The following RBMS3 variants were observed in gnomAD, a reference collection of about 807,000 sequenced individuals.
RBMS3 encodes RNA binding motif single stranded interacting protein 3, also known as RNA-binding motif, single-stranded-interacting protein 3.
A neutral mutation model predicts 66.8 loss-of-function variants in RBMS3; 27 were observed. That is an observed-to-expected ratio of 0.40 (90% CI 0.30 to 0.56). The LOEUF (loss-of-function observed/expected upper bound fraction) is 0.56. Ranked by LOEUF, RBMS3 falls within the 20% of genes least tolerant of loss-of-function variation. The pLI, the probability that RBMS3 is intolerant of heterozygous loss-of-function variation, is 0.40. For missense variants in RBMS3, 513 were observed against 549.5 expected (o/e 0.93, Z 0.66); for synonymous variants, 188 against 183.0 (o/e 1.03, Z -0.22).
intron 1 of RBMS3, among the ~76,000 whole-genome samples, chr3:29,359,846 A>G (rs2037458774): frequency 6.6e-6 from 1 of 152,178 alleles, no homozygotes. Flanking sequence ...AGGTGTTTAT[A>G]GTATTCTCTG....
intron 1 of RBMS3, among the ~76,000 whole-genome samples, chr3:29,345,664 T>C (rs763201807): frequency 6.6e-6 from 1 of 152,190 alleles, no homozygotes; most frequent in Non-Finnish European, 1.5e-5. Flanking sequence ...CTAATGAAAC[T>C]TACTAGAGAC....
intron 2 of RBMS3, among the ~76,000 whole-genome samples, chr3:29,482,794 G>A (rs190081232): frequency 2.0e-3 from 259 of 131,600 alleles, no homozygotes; most frequent in Non-Finnish European, 3.3e-3. Flanking sequence ...TGCAATCTCT[G>A]CCTCCCAGGT....
chr3:29,701,581 A>G (rs1576559874), intron 4 of RBMS3, among the ~76,000 whole-genome samples: 1 of 149,746 alleles, frequency 6.7e-6, no homozygotes, highest in East Asian at 2.0e-4. Context: ...GTGGAGGGAG[A>G]GGCGCAGGTG....
At chr3:29,970,401 A>G (rs1697148993) in intron 12 of RBMS3, among the ~76,000 whole-genome samples, 1 of 152,124 alleles carries the variant, frequency 6.6e-6, no homozygotes, top group African/African-American at 2.4e-5. Flanking sequence ...CTACCACCCA[A>G]TAATGAGCAC....
chr3:29,562,434 A>T (rs1019898880), intron 3 of RBMS3, among the ~76,000 whole-genome samples: 1 of 152,130 alleles, frequency 6.6e-6, no homozygotes, highest in Non-Finnish European at 1.5e-5. Context: ...AATAGTGCTG[A>T]CCAAAGAGAT....
chr3:29,706,924 A>G (rs1398914306), intron 4 of RBMS3, among the ~76,000 whole-genome samples: 1 of 152,196 alleles, frequency 6.6e-6, no homozygotes, highest in Non-Finnish European at 1.5e-5. Context: ...TTTTTAAAAG[A>G]TGGTTTGCTA....
At chr3:29,482,704 T>TC (rs1553609366) in intron 2 of RBMS3, among the ~76,000 whole-genome samples, 5 of 103,508 alleles carry the variant, frequency 4.8e-5, no homozygotes, top group East Asian at 2.6e-4. Context: ...TTTCTTTCTT[T>TC]TTTTTTTTTT....
At chr3:29,504,914 C>G (rs1190385962) in intron 3 of RBMS3, among the ~76,000 whole-genome samples, 2 of 152,040 alleles carry the variant, frequency 1.3e-5, no homozygotes, top group African/African-American at 2.4e-5. Context: ...TATTCAGGTC[C>G]TTTGCCTATT....
At chr3:29,743,391 A>G (rs945072938) in intron 5 of RBMS3, among the ~76,000 whole-genome samples, 1 of 152,182 alleles carries the variant, frequency 6.6e-6, no homozygotes. Context: ...CAAGTGAGAG[A>G]AATTATTGTA....
intron 10 of RBMS3, among the ~76,000 whole-genome samples, chr3:29,916,475 C>CT (rs925459033): frequency 1.3e-5 from 2 of 151,790 alleles, no homozygotes; most frequent in Non-Finnish European, 2.9e-5. Context: ...CCTTGTATTG[C>CT]TTTTTTTAGA....
chr3:29,957,334 T>C lies in RBMS3; in HGVS notation c.1098+13080T>C, dbSNP rs146526917. Among the ~76,000 whole-genome samples, 8 of 152,248 alleles carry C rather than the reference T, an allele frequency of 5.3e-5. No homozygotes were observed. The East Asian group carries it at 1.5e-3, about 29-fold the overall frequency. Reference sequence around the variant, plus strand: ...ATGGTAGGTGTTTATTAAATATTCATTGATTGAATAAATGATACCTATATG... The same window carrying C: ...ATGGTAGGTGTTTATTAAATATTCACTGATTGAATAAATGATACCTATATG... On this transcript the variant is annotated intron_variant, in intron 12 of 14. Transcript: ENST00000383767.
chr3:29,800,079 A>G (rs1468953945), intron 6 of RBMS3, among the ~76,000 whole-genome samples: 1 of 152,220 alleles, frequency 6.6e-6, no homozygotes, highest in African/African-American at 2.4e-5. Context: ...AACACAGAGA[A>G]TACTAATCAG....
At chr3:29,575,633 T>C (rs1267344157) in intron 3 of RBMS3, among the ~76,000 whole-genome samples, 1 of 152,074 alleles carries the variant, frequency 6.6e-6, no homozygotes, top group Non-Finnish European at 1.5e-5. Context: ...GGCAAATAAC[T>C]CTTATATTTG....
intron 1 of RBMS3, among the ~76,000 whole-genome samples, chr3:29,351,947 G>C (rs1009890048): frequency 6.6e-6 from 1 of 151,810 alleles, no homozygotes; most frequent in African/African-American, 2.4e-5. Flanking sequence ...CCAATCAACT[G>C]GACCTAGAGT....
chr3:29,734,395 G>T (rs1576648045), intron 4 of RBMS3, among the ~76,000 whole-genome samples: 1 of 152,130 alleles, frequency 6.6e-6, no homozygotes, highest in Non-Finnish European at 1.5e-5. Flanking sequence ...CTAGAAGAAA[G>T]GAGCTTGAAT....
intron 4 of RBMS3, among the ~76,000 whole-genome samples, chr3:29,639,659 G>A (rs949531961): frequency 3.5e-4 from 53 of 150,996 alleles, no homozygotes; most frequent in Non-Finnish European, 3.0e-5. Context: ...AATAAAAAGT[G>A]TCACTGTAAA....
intron 3 of RBMS3, among the ~76,000 whole-genome samples, chr3:29,559,842 T>C (rs980711585): frequency 1.3e-5 from 2 of 152,182 alleles, no homozygotes; most frequent in African/African-American, 4.8e-5. Flanking sequence ...AATAAAGAGC[T>C]TTCTTTCAAA....
intron 12 of RBMS3, among the ~76,000 whole-genome samples, chr3:29,956,498 AT>A (rs1166038646): frequency 6.6e-6 from 1 of 151,976 alleles, no homozygotes; most frequent in African/African-American, 2.4e-5. Context: ...TAAAGCTCAA[AT>A]TTTTGATCTA....
At chr3:29,317,844 G>A (rs1284470879) in intron 1 of RBMS3, among the ~76,000 whole-genome samples, 1 of 151,698 alleles carries the variant, frequency 6.6e-6, no homozygotes, top group Non-Finnish European at 1.5e-5. Flanking sequence ...CCCACTCATG[G>A]AAAGAACAGC....
Sources: gnomAD v4.1 joint callset for allele counts (sites outside exome capture counted in the v4.1 genomes callset) on GRCh38, gnomAD v4.1.1 for gene constraint, MANE v1.5 for transcripts, NCBI Gene and HGNC (gene_info 2026-07-23, HGNC 2026-07-21) for gene names.